The following MAST4 variants were observed in gnomAD, a reference collection of about 807,000 sequenced individuals.
The protein encoded by MAST4 is microtubule associated serine/threonine kinase family member 4.
MAST4 carries 89 observed loss-of-function variants against 162.7 expected under a neutral mutation model. The observed-to-expected ratio is 0.55, with a 90% confidence interval of 0.46 to 0.65. The LOEUF is 0.65. Among genes scored for constraint, MAST4 ranks in the 30% least tolerant of loss-of-function variants. The pLI is 0.00. For missense variants in MAST4, 3,153 were observed against 3,374.0 expected (o/e 0.93, Z 1.62); for synonymous variants, 1,479 against 1,361.1 (o/e 1.09, Z -1.91).
rs757516203 is a variant in MAST4 at position 67,162,627 on chromosome 5, A to C, written c.3806A>C (p.Lys1269Thr). ...SLERRRSLFK[K>T]LAKQPSPLLH... ...TGTAGGAGGAGATCTCTTTTCAAAAAGCTAGCCAAGCAGCCTTCTCCTTTA... is the reference window on the plus strand; with the variant it reads ...TGTAGGAGGAGATCTCTTTTCAAAACGCTAGCCAAGCAGCCTTCTCCTTTA... Residue 1269 changes from lysine (K) to threonine (T), a missense_variant, in exon 28 of 29, where the codon AAG becomes ACG. Coordinates refer to ENST00000403625, the MANE Select transcript of MAST4 (RefSeq NM_001164664.2). 5 of 1,613,668 alleles carry C rather than the reference A, an allele frequency of 3.1e-6. No individual in the cohort carries two copies. Among genetic ancestry groups the C allele is most frequent in the Non-Finnish European group, 2.5e-6 (3 of 1,179,752 alleles).
chr5:67,054,877 A>G (rs557872628), intron 5 of MAST4, among the ~76,000 whole-genome samples: 1 of 152,200 alleles, frequency 6.6e-6, no homozygotes, highest in Non-Finnish European at 1.5e-5. Flanking sequence ...CTTGTCTAAT[A>G]CATTGTGATG....
chr5:66,692,861 G>A (rs1287920436), intron 1 of MAST4, among the ~76,000 whole-genome samples: 1 of 152,132 alleles, frequency 6.6e-6, no homozygotes, highest in Non-Finnish European at 1.5e-5. Flanking sequence ...TTTGAAGTAG[G>A]TTGGTGGTAG....
intron 5 of MAST4, among the ~76,000 whole-genome samples, chr5:67,069,754 G>A (rs972270852): frequency 5.3e-5 from 8 of 152,216 alleles, no homozygotes; most frequent in African/African-American, 1.2e-4. Context: ...ATATCTATCC[G>A]CTGGAACAAT....
chr5:66,692,669 C>T (rs1749125784), intron 1 of MAST4, among the ~76,000 whole-genome samples: 1 of 152,158 alleles, frequency 6.6e-6, no homozygotes, highest in South Asian at 2.1e-4. Flanking sequence ...AACTTGTTTG[C>T]ATATCATTCA....
intron 4 of MAST4, among the ~76,000 whole-genome samples, chr5:66,951,369 T>A (rs1347906584): frequency 6.6e-6 from 1 of 152,124 alleles, no homozygotes; most frequent in East Asian, 1.9e-4. Context: ...GCCACATCAG[T>A]CCAACCTCTG....
intron 4 of MAST4, among the ~76,000 whole-genome samples, chr5:66,997,395 T>C (rs1204682091): frequency 6.6e-6 from 1 of 151,824 alleles, no homozygotes; most frequent in African/African-American, 2.4e-5. Flanking sequence ...GTGAAACAGG[T>C]AAATTGATAC....
At chr5:66,710,317 A>G (rs573644108) in intron 1 of MAST4, among the ~76,000 whole-genome samples, 185 of 152,298 alleles carry the variant, frequency 1.2e-3, no homozygotes, top group Middle Eastern at 6.8e-3. Flanking sequence ...TTTATAATAT[A>G]TATTATACCA....
chr5:67,046,549 T>C (rs539750818), intron 4 of MAST4, among the ~76,000 whole-genome samples: 1 of 152,348 alleles, frequency 6.6e-6, no homozygotes, highest in South Asian at 2.1e-4. Flanking sequence ...CACAGTACTT[T>C]GTACATGGGA....
intron 24 of MAST4, among the ~76,000 whole-genome samples, chr5:67,152,380 A>G (rs2151079704): frequency 6.6e-6 from 1 of 152,392 alleles, no homozygotes; most frequent in African/African-American, 2.4e-5. Flanking sequence ...ACATGAGAGT[A>G]TTGAAATTTC....
chr5:66,601,371 T>C (rs1742541702), intron 1 of MAST4, among the ~76,000 whole-genome samples: 1 of 152,208 alleles, frequency 6.6e-6, no homozygotes, highest in African/African-American at 2.4e-5. Context: ...GGCACAGAGA[T>C]GGTTTTGACC....
intron 3 of MAST4, among the ~76,000 whole-genome samples, chr5:66,898,534 C>T (rs74460990): frequency 0.021 from 3,124 of 152,188 alleles, 116 homozygotes; most frequent in African/African-American, 0.072. Context: ...ATTTATGTTT[C>T]AGAATCAGGG....
intron 4 of MAST4, among the ~76,000 whole-genome samples, chr5:67,034,053 C>T (rs577501227): frequency 3.3e-4 from 50 of 152,216 alleles, no homozygotes; most frequent in African/African-American, 1.1e-3. Flanking sequence ...ACCAGTCGGC[C>T]GGTGACTTAA....
At chr5:66,680,737 A>G (rs1748274883) in intron 1 of MAST4, among the ~76,000 whole-genome samples, 1 of 151,852 alleles carries the variant, frequency 6.6e-6, no homozygotes, top group Non-Finnish European at 1.5e-5. Context: ...TTGTGGTGTC[A>G]CCCCCCAAAA....
Position 67,134,509 on chromosome 5 carries a change from C to T in MAST4, c.2227-14C>T, listed in dbSNP as rs1203951894. ...TAATATTCCAATTATTCTAATATTGCAATTATCTTTTAGGTCTGTGGCACA... is the reference window on the plus strand; with the variant it reads ...TAATATTCCAATTATTCTAATATTGTAATTATCTTTTAGGTCTGTGGCACA... On this transcript the variant is annotated splice_polypyrimidine_tract_variant and intron_variant, in intron 17 of 28. Transcript: ENST00000403625. 1.2e-6 allele frequency: 2 copies of T among 1,601,946 alleles called. No homozygotes were observed. The highest frequency in any genetic ancestry group is 3.4e-5 in the Admixed American group (2 of 58,850).
intron 1 of MAST4, among the ~76,000 whole-genome samples, chr5:66,748,888 G>C (rs1014108822): frequency 6.6e-6 from 1 of 151,752 alleles, no homozygotes; most frequent in South Asian, 2.1e-4. Context: ...CCAGGATGGT[G>C]TGGTCTAGGA....
intron 3 of MAST4, among the ~76,000 whole-genome samples, chr5:66,894,975 G>A (rs1192572927): frequency 6.6e-6 from 1 of 152,096 alleles, no homozygotes; most frequent in Non-Finnish European, 1.5e-5. Context: ...GAAGGTATGT[G>A]GGGGCAGTTA....
intron 5 of MAST4, among the ~76,000 whole-genome samples, chr5:67,076,650 A>G (rs1170210086): frequency 6.6e-6 from 1 of 152,126 alleles, no homozygotes; most frequent in Non-Finnish European, 1.5e-5. Context: ...AGGATGTTTC[A>G]GTGACAGAGA....
intron 1 of MAST4, among the ~76,000 whole-genome samples, chr5:66,665,575 C>T (rs1747199952): frequency 6.6e-6 from 1 of 152,204 alleles, no homozygotes; most frequent in African/African-American, 2.4e-5. Context: ...TGGTGATCAC[C>T]TAACCCCCAA....
At chr5:66,795,310 TTTATG>T (rs1270814484) in intron 3 of MAST4, among the ~76,000 whole-genome samples, 1 of 152,224 alleles carries the variant, frequency 6.6e-6, no homozygotes, top group Non-Finnish European at 1.5e-5. Context: ...AACTGTTCCC[TTTATG>T]TTATTTCCAG....
Sources: allele counts gnomAD v4.1 joint callset (sites outside exome capture counted in the v4.1 genomes callset), GRCh38; gene constraint gnomAD v4.1.1; transcripts MANE v1.5; gene names NCBI Gene and HGNC (gene_info 2026-07-23, HGNC 2026-07-21).